The following CABIN1 variants were observed in gnomAD, a reference collection of about 807,000 sequenced individuals.
CABIN1 encodes calcineurin binding protein 1, also known as calcineurin-binding protein cabin-1.
Under a neutral mutation model 227.7 loss-of-function variants are expected in CABIN1, and 133 were observed. The ratio of observed to expected loss-of-function variants is 0.58; its 90% CI spans 0.51 to 0.67. CABIN1 has a LOEUF of 0.67. CABIN1 is among the 30% of genes least tolerant of loss of function. The probability of loss-of-function intolerance (pLI) is 0.00; values close to 1 mark genes in which losing one functional copy is unlikely to be tolerated. For missense variants in CABIN1, 2,408 were observed against 2,852.5 expected (o/e 0.84, Z 3.55); for synonymous variants, 1,086 against 1,155.1 (o/e 0.94, Z 1.21).
intron 26 of CABIN1, among the ~76,000 whole-genome samples, chr22:24,099,747 C>T (rs2042098314): frequency 1.3e-5 from 2 of 152,248 alleles, no homozygotes; most frequent in South Asian, 4.1e-4. Flanking sequence ...GAATGCCTTT[C>T]CTGGTTGTCC....
chr22:24,063,101 T>C lies in CABIN1; in HGVS notation c.1839T>C (p.Phe613=). Residue 613 remains phenylalanine, a synonymous_variant, in exon 14 of 37, where the codon TTT becomes TTC. Transcript: ENST00000263119. The part of the protein sequence containing the change: ...RDLFEDGWLE[F]VVRVYWLKAR... ...TGTTCGAGGATGGTTGGCTGGAGTTTGTGGTCCGTGTTTACTGGCTGAAGG... is the reference window on the plus strand; with the variant it reads ...TGTTCGAGGATGGTTGGCTGGAGTTCGTGGTCCGTGTTTACTGGCTGAAGG... The C allele has an allele frequency of 6.2e-7, 1 of 1,614,184 alleles. No homozygotes were observed. Among genetic ancestry groups the C allele is most frequent in the Non-Finnish European group, 8.5e-7 (1 of 1,180,034 alleles).
Position 24,167,275 on chromosome 22 carries a change from G to C in CABIN1, c.5644G>C (p.Glu1882Gln). The change falls in exon 32 of 37, where the codon GAG (glutamate) becomes CAG (glutamine). Residue 1882 changes from glutamate (E) to glutamine (Q), a missense_variant. Coordinates refer to ENST00000263119, the MANE Select transcript of CABIN1 (RefSeq NM_012295.4). ...KGVAYDLGRV[E>Q]RIMSETYMLI... is the part of the protein sequence containing the mutation. ...TGTGGCCTATGACCTGGGCCGTGTG[G>C]AGAGGATCATGTCGGAGACCTACAT... 6.2e-7 allele frequency: 1 copy of C among 1,613,358 alleles called. No homozygotes were observed. The highest frequency in any genetic ancestry group is 2.2e-5 in the East Asian group (1 of 44,880).
chr22:24,016,036 A>G (rs1313218998), intron 1 of CABIN1, among the ~76,000 whole-genome samples: 1 of 152,196 alleles, frequency 6.6e-6, no homozygotes, highest in Non-Finnish European at 1.5e-5. Context: ...TAAGTATACA[A>G]TTGAGTGGTT....
At position 24,067,145 on chromosome 22, in the gene CABIN1, C is replaced by T. The variant is rs773761778; in HGVS notation, c.2196C>T (p.Ser732=). The part of the protein sequence containing the change: ...DRAKHLEFMT[S]IPERPAQLLL... Reference sequence around the variant, plus strand: ...CCAAACACCTGGAGTTTATGACTTCCATTCCTGAGAGGCCAGCCCAGCTGC... The same window carrying T: ...CCAAACACCTGGAGTTTATGACTTCTATTCCTGAGAGGCCAGCCCAGCTGC... Residue 732 remains serine (S), a synonymous_variant, in exon 16 of 37, where the codon TCC becomes TCT. Transcript: ENST00000263119. 1 of 1,614,274 alleles carries T rather than the reference C, an allele frequency of 6.2e-7. No homozygotes were observed. The highest frequency in any genetic ancestry group is 1.1e-5 in the South Asian group (1 of 91,090).
intron 26 of CABIN1, among the ~76,000 whole-genome samples, chr22:24,112,987 G>C (rs2042890591): frequency 6.6e-6 from 1 of 152,140 alleles, no homozygotes; most frequent in African/African-American, 2.4e-5. Flanking sequence ...ATGAGCACCT[G>C]TGAAGGTCCG....
In CABIN1 at chr22:24,125,068, C is replaced by T. The variant is rs2267058; in HGVS notation, c.4632+5370C>T. On this transcript the variant is annotated intron_variant, in intron 28 of 36. Coordinates refer to ENST00000263119, the MANE Select transcript of CABIN1 (RefSeq NM_012295.4). ...AGGACATAATGCTAAGTGAAATAGCCAGTCACAAAAGACAAATACTGGATG... is the reference window on the plus strand; with the variant it reads ...AGGACATAATGCTAAGTGAAATAGCTAGTCACAAAAGACAAATACTGGATG... Among the ~76,000 whole-genome samples the T allele has an allele frequency of 3.6e-3, 543 of 152,292 alleles. 21 individuals carry two copies. In the East Asian group the frequency reaches 0.092, roughly 26 times the overall value.
At chr22:24,017,983 A>T (rs964263875) in intron 1 of CABIN1, among the ~76,000 whole-genome samples, 2 of 152,124 alleles carry the variant, frequency 1.3e-5, no homozygotes, top group African/African-American at 4.8e-5. Flanking sequence ...TGCCCTGAGT[A>T]GCTGGGACTA....
intron 28 of CABIN1, 129 bp downstream of exon 28, chr22:24,119,827 G>T (rs1042910421): frequency 3.4e-5 from 33 of 959,472 alleles, no homozygotes; most frequent in Middle Eastern, 3.0e-4. Flanking sequence ...TGGGCGAGGA[G>T]AGCTGCAGGA....
At chr22:24,098,954 C>A (rs529113960) in intron 26 of CABIN1, among the ~76,000 whole-genome samples, 1 of 152,268 alleles carries the variant, frequency 6.6e-6, no homozygotes, top group East Asian at 1.9e-4. Context: ...CTCATCTCAT[C>A]TGGGCTTGGG....
chr22:24,176,715 C>T (rs914101285), intron 35 of CABIN1, among the ~76,000 whole-genome samples: 5 of 152,120 alleles, frequency 3.3e-5, no homozygotes, highest in Admixed American at 6.5e-5. Context: ...GCCAAGCAGG[C>T]GTCCCCGTCG....
intron 32 of CABIN1, 57 bp from the exon 33 acceptor site, chr22:24,168,390 G>C: frequency 3.3e-6 from 5 of 1,503,060 alleles, no homozygotes; most frequent in Non-Finnish European, 3.6e-6. Context: ...AGACAGGGCT[G>C]GGGGAGGCTA....
At chr22:24,091,475 G>T in intron 23 of CABIN1, 108 bp from the exon 24 acceptor site, 1 of 1,335,818 alleles carries the variant, frequency 7.5e-7, no homozygotes. Flanking sequence ...TGGTTGTTAA[G>T]AGGAGTATAA....
intron 20 of CABIN1, among the ~76,000 whole-genome samples, chr22:24,083,803 A>G (rs1318503248): frequency 1.3e-5 from 2 of 152,190 alleles, no homozygotes; most frequent in African/African-American, 4.8e-5. Flanking sequence ...TAAAACCAAA[A>G]AATGTAGCAT....
At chr22:24,088,862 T>C (rs1380116669) in intron 23 of CABIN1, among the ~76,000 whole-genome samples, 2 of 152,248 alleles carry the variant, frequency 1.3e-5, no homozygotes, top group African/African-American at 4.8e-5. Context: ...ACCACACTGT[T>C]GAGTTCTATC....
chr22:24,037,078 G>T (rs2036950550), intron 3 of CABIN1, among the ~76,000 whole-genome samples: 1 of 151,984 alleles, frequency 6.6e-6, no homozygotes. Flanking sequence ...TGGCCAACAT[G>T]GTGAAACCCC....
At chr22:24,146,818 G>T (rs1376400972) in intron 29 of CABIN1, among the ~76,000 whole-genome samples, 1 of 152,240 alleles carries the variant, frequency 6.6e-6, no homozygotes, top group Non-Finnish European at 1.5e-5. Flanking sequence ...AGAGGAAGAT[G>T]ATCTTGTTAA....
In CABIN1 at chr22:24,085,195, T is replaced by G. The variant is rs781179010; in HGVS notation, c.3263+44T>G. On this transcript the variant is annotated intron_variant, in intron 22 of 36. Transcript: ENST00000263119. The stretch of plus-strand genomic sequence containing the variant: ...AGGCTAGGCTGGCTGCAGGGATGAC[T>G]GGGGTGACTCCAGCTCAGCAAGCTC... 17 of 1,610,634 alleles carry G rather than the reference T, an allele frequency of 1.1e-5. No individual in the cohort carries two copies. In the Admixed American group the frequency reaches 1.8e-4, roughly 17 times the overall value.
chr22:24,074,015 CA>C (rs1429759236), intron 18 of CABIN1, among the ~76,000 whole-genome samples: 267 of 3,494 alleles, frequency 0.076, 1 homozygote, highest in African/African-American at 0.28. Flanking sequence ...TGCTTGTACC[CA>C]ATTTTTTTTT....
rs756302843 is a variant in CABIN1, at chr22:24,036,120, C to T, written c.35C>T (p.Thr12Ile). The T allele has an allele frequency of 1.2e-6, 2 of 1,613,938 alleles. No individual in the cohort carries two copies. The highest frequency in any genetic ancestry group is 1.7e-6 in the Non-Finnish European group (2 of 1,179,866). The change falls in exon 3 of 37, where the codon ACC (threonine) becomes ATC (isoleucine). Residue 12 changes from threonine to isoleucine, a missense_variant. Thr to Ile is a moderately conservative substitution (Grantham distance 89, BLOSUM62 -1). This residue lies in a region of CABIN1 where 1,045 missense variants were observed against 1,168.4 expected (regional missense o/e 0.89). Coordinates refer to ENST00000263119, the MANE Select transcript of CABIN1 (RefSeq NM_012295.4). ...ATTGCAGCCTTAAATGCCAGCTCCA[C>T]CATTGAGGATGATCATGAAGGAAGC... ...IRIAALNASS[T>I]IEDDHEGSFK...
Sources: gnomAD v4.1 joint callset for allele counts (sites outside exome capture counted in the v4.1 genomes callset) on GRCh38, gnomAD v4.1.1 for gene constraint, gnomAD v4.1.1 regional missense constraint, MANE v1.5 for transcripts, NCBI Gene and HGNC (gene_info 2026-07-23, HGNC 2026-07-21) for gene names.